The following PTPRT variants were observed in gnomAD, a reference collection of about 807,000 sequenced individuals.
The protein encoded by PTPRT is receptor-type tyrosine-protein phosphatase T.
A neutral mutation model predicts 176.8 loss-of-function variants in PTPRT; 56 were observed. The observed-to-expected ratio is 0.32, with a 90% CI of 0.26 to 0.40. The LOEUF is 0.40. PTPRT is among the 10% of genes least tolerant of loss of function. PTPRT has a pLI of 1.00. For missense variants in PTPRT, 1,540 were observed against 1,908.2 expected (o/e 0.81, Z 3.60); for synonymous variants, 783 against 739.0 (o/e 1.06, Z -0.96).
At chr20:42,277,019 C>T (rs1265701328) in intron 13 of PTPRT, among the ~76,000 whole-genome samples, 1 of 152,096 alleles carries the variant, frequency 6.6e-6, no homozygotes, top group Non-Finnish European at 1.5e-5. Flanking sequence ...AGGCTTAGCT[C>T]TTATGAAAAG....
chr20:42,326,950 C>G (rs1479574585), intron 11 of PTPRT, among the ~76,000 whole-genome samples: 1 of 142,148 alleles, frequency 7.0e-6, no homozygotes, highest in East Asian at 2.0e-4. Context: ...TGGTTAAGAA[C>G]TTAAAAAAAA....
intron 1 of PTPRT, among the ~76,000 whole-genome samples, chr20:42,974,766 C>A (rs1198563703): frequency 2.0e-5 from 3 of 152,220 alleles, no homozygotes; most frequent in African/African-American, 7.2e-5. Flanking sequence ...CTTCTTATTT[C>A]TTCCACTTAT....
intron 1 of PTPRT, among the ~76,000 whole-genome samples, chr20:43,032,562 C>T (rs911985532): frequency 4.6e-5 from 7 of 150,562 alleles, no homozygotes; most frequent in African/African-American, 1.7e-4. Flanking sequence ...AGAAGGGAAA[C>T]CATTTTTGTA....
intron 7 of PTPRT, among the ~76,000 whole-genome samples, chr20:42,530,234 A>C (rs1212664344): frequency 1.3e-5 from 2 of 152,250 alleles, no homozygotes; most frequent in African/African-American, 2.4e-5. Flanking sequence ...CTCTGAAAGG[A>C]GCCCAGCCTT....
the PTPRT span, among the ~76,000 whole-genome samples, chr20:42,056,370 C>T: frequency 6.6e-6 from 1 of 152,142 alleles, no homozygotes; most frequent in African/African-American, 2.4e-5. Flanking sequence ...TCAAAATATG[C>T]ACCAAATATG....
intron 1 of PTPRT, among the ~76,000 whole-genome samples, chr20:43,144,657 G>A (rs2014114974): frequency 6.6e-6 from 1 of 152,150 alleles, no homozygotes; most frequent in Non-Finnish European, 1.5e-5. Flanking sequence ...GGTTGCCTGG[G>A]GCTGGAGGTA....
intron 13 of PTPRT, among the ~76,000 whole-genome samples, chr20:42,258,865 C>A (rs1019363034): frequency 1.3e-5 from 2 of 152,088 alleles, no homozygotes; most frequent in East Asian, 1.9e-4. Flanking sequence ...ATAGCTCTAC[C>A]CTTGCTGTGG....
intron 1 of PTPRT, among the ~76,000 whole-genome samples, chr20:43,153,257 C>T (rs1449129756): frequency 1.3e-5 from 2 of 152,094 alleles, no homozygotes; most frequent in Non-Finnish European, 2.9e-5. Context: ...TGTGTACAAA[C>T]ACAGATATGT....
At chr20:42,274,269 C>T (rs185620459) in intron 13 of PTPRT, among the ~76,000 whole-genome samples, 1 of 152,248 alleles carries the variant, frequency 6.6e-6, no homozygotes, top group Admixed American at 6.5e-5. Flanking sequence ...ATCCAAGTTG[C>T]CACTTCCATG....
At chr20:42,359,506 G>T (rs1249224139) in intron 9 of PTPRT, among the ~76,000 whole-genome samples, 1 of 152,318 alleles carries the variant, frequency 6.6e-6, no homozygotes, top group Non-Finnish European at 1.5e-5. Context: ...TGCTTCCAAT[G>T]CTGTTAACAT....
intron 1 of PTPRT, among the ~76,000 whole-genome samples, chr20:42,956,914 G>A (rs1199202172): frequency 6.6e-6 from 1 of 152,126 alleles, no homozygotes; most frequent in African/African-American, 2.4e-5. Flanking sequence ...CCTTCATTCA[G>A]TGGCAAAAAG....
At chr20:42,884,163 AAC>A (rs947324540) in intron 2 of PTPRT, among the ~76,000 whole-genome samples, 5 of 152,084 alleles carry the variant, frequency 3.3e-5, no homozygotes, top group African/African-American at 1.2e-4. Flanking sequence ...ATGATTGGGC[AAC>A]AGACAGAGGT....
intron 1 of PTPRT, among the ~76,000 whole-genome samples, chr20:42,933,382 C>T (rs1395318064): frequency 6.6e-6 from 1 of 152,158 alleles, no homozygotes; most frequent in Non-Finnish European, 1.5e-5. Flanking sequence ...CACTGTATTG[C>T]AATTTTTAAA....
intron 6 of PTPRT, among the ~76,000 whole-genome samples, chr20:42,735,316 G>T (rs917339745): frequency 2.6e-5 from 4 of 152,072 alleles, no homozygotes; most frequent in Non-Finnish European, 4.4e-5. Context: ...GCCAGGTCAG[G>T]CTTGACCCCT....
intron 7 of PTPRT, among the ~76,000 whole-genome samples, chr20:42,633,819 A>ATATATAT (rs1162225733): frequency 4.7e-5 from 4 of 85,586 alleles, no homozygotes; most frequent in African/African-American, 2.7e-4. Flanking sequence ...ATATATATAT[A>ATATATAT]ATAAAATATT....
chr20:42,174,527 T>A (rs948316911), intron 16 of PTPRT, among the ~76,000 whole-genome samples: 3 of 152,164 alleles, frequency 2.0e-5, no homozygotes, highest in African/African-American at 7.2e-5. Context: ...TCTCAAACCA[T>A]CACTTAAAGG....
chr20:42,869,808 C>G (rs1165576716), intron 2 of PTPRT, among the ~76,000 whole-genome samples: 1 of 152,182 alleles, frequency 6.6e-6, no homozygotes, highest in Non-Finnish European at 1.5e-5. Flanking sequence ...GCAAAATTCA[C>G]ATGTTGGAAC....
intron 7 of PTPRT, among the ~76,000 whole-genome samples, chr20:42,527,260 G>T (rs992524246): frequency 6.6e-6 from 1 of 152,034 alleles, no homozygotes; most frequent in African/African-American, 2.4e-5. Flanking sequence ...ACCGTGCCCG[G>T]CCGACTTCTT....
At chr20:42,734,898 A>G (rs1377963761) in intron 6 of PTPRT, among the ~76,000 whole-genome samples, 4 of 152,146 alleles carry the variant, frequency 2.6e-5, no homozygotes, top group Non-Finnish European at 5.9e-5. Context: ...TTCTGCCCAC[A>G]TTCTACGGTT....
Sources: allele counts gnomAD v4.1 joint callset (sites outside exome capture counted in the v4.1 genomes callset), GRCh38; gene constraint gnomAD v4.1.1; transcripts MANE v1.5; gene names NCBI Gene and HGNC (gene_info 2026-07-23, HGNC 2026-07-21).